FRMPD4: variants seen among roughly 807,000 people sequenced by gnomAD.
The protein encoded by FRMPD4 is FERM and PDZ domain containing 4.
In FRMPD4, 22 loss-of-function variants were observed where a neutral mutation model predicts 94.1. The observed-to-expected ratio is 0.23, with a 90% CI of 0.17 to 0.33. The LOEUF (loss-of-function observed/expected upper bound fraction) is 0.33, where lower values mean the gene tolerates loss of function less well. FRMPD4 is among the 10% of genes least tolerant of loss of function. The pLI is 1.00. For missense variants in FRMPD4, 1,111 were observed against 1,339.9 expected, an observed-to-expected ratio of 0.83 and a Z score of 2.67; for synonymous variants, 631 against 548.6, an observed-to-expected ratio of 1.15 and a Z score of -2.10.
chrX:12,696,585 G>GA (rs2060133336), intron 9 of FRMPD4, among the ~76,000 whole-genome samples: 2 of 9,064 alleles, frequency 2.2e-4, no homozygotes, highest in African/African-American at 6.9e-4. Context: ...CAAAAATGAA[G>GA]CAAAAAAAAA....
chrX:12,468,586 G>A (rs2057475238), intron 1 of FRMPD4, among the ~76,000 whole-genome samples: 1 of 111,662 alleles, frequency 9.0e-6, no homozygotes, highest in Admixed American at 9.5e-5. Flanking sequence ...CTTCATTTGG[G>A]TGAAGTTATT....
chrX:12,399,735 A>C (rs758429270), intron 1 of FRMPD4, among the ~76,000 whole-genome samples: 91 of 111,737 alleles, frequency 8.1e-4, no homozygotes, highest in Middle Eastern at 4.6e-3. Flanking sequence ...GCTGAGGAGG[A>C]GGAAGAAGAG....
rs770212254 is a variant in FRMPD4 at position 12,716,591 on chromosome X, T to G, written c.2132T>G (p.Val711Gly). The stretch of plus-strand genomic sequence containing the variant: ...CCAGAGGCAGAGGGCATCCAGTTTG[T>G]GGAAAATTCTGTTTATGCAAACATA... ...LTPEAEGIQFVENSVYANIGD... is the reference protein window; with the variant it reads ...LTPEAEGIQFGENSVYANIGD... The change falls in exon 15 of 17, where the codon GTG becomes GGG. Residue 711 changes from valine (V) to glycine (G), a missense_variant. Val to Gly is a moderately radical substitution (Grantham distance 109). Around this residue, in one of 8 missense-constraint regions of FRMPD4, gnomAD observed 192 missense variants for 192.5 expected, o/e 1.00. Transcript: ENST00000675598. The G allele has an allele frequency of 6.6e-6, 8 of 1,211,156 alleles. No individual in the cohort carries two copies. The South Asian group carries it at 1.4e-4, about 21-fold the overall frequency.
chrX:12,603,804 T>G (rs2059105785), intron 2 of FRMPD4, among the ~76,000 whole-genome samples: 1 of 110,555 alleles, frequency 9.0e-6, no homozygotes, highest in Admixed American at 9.7e-5. Flanking sequence ...TCAAGTGTCT[T>G]TATTAAAAAA....
rs188933059 is a variant in FRMPD4 at position 12,702,642 on chromosome X, A to G, written c.1070+632A>G. On this transcript the variant is annotated intron_variant, in intron 10 of 16. Transcript: ENST00000675598. ...CTAGAAAGCCTTTCTAAATTCCACA[A>G]TGCCAGGTTCACCCACCAGGGGGCA... Among the ~76,000 whole-genome samples the G allele has an allele frequency of 7.4e-3, 832 of 112,483 alleles. 9 individuals carry two copies. The highest frequency in any genetic ancestry group is 0.023 in the African/African-American group (727 of 31,005).
At chrX:12,530,390 C>T (rs1024229767) in intron 2 of FRMPD4, among the ~76,000 whole-genome samples, 2 of 110,988 alleles carry the variant, frequency 1.8e-5, no homozygotes, top group Non-Finnish European at 3.8e-5. Flanking sequence ...TGTCAAGATG[C>T]TTGGGCTTTG....
chrX:12,388,857 A>AC, intron 1 of FRMPD4, among the ~76,000 whole-genome samples: 1 of 96,925 alleles, frequency 1.0e-5, no homozygotes, highest in Non-Finnish European at 2.0e-5. Context: ...ATATACACAC[A>AC]ATGGAGTACT....
chrX:12,248,704 G>A (rs1368842147), intron 1 of FRMPD4, among the ~76,000 whole-genome samples: 1 of 112,307 alleles, frequency 8.9e-6, no homozygotes, highest in Non-Finnish European at 1.9e-5. Context: ...ACATTTTGAT[G>A]TCTGTTCTTT....
At chrX:12,603,311 A>G (rs2059101157) in intron 2 of FRMPD4, among the ~76,000 whole-genome samples, 1 of 112,128 alleles carries the variant, frequency 8.9e-6, no homozygotes, top group Admixed American at 9.4e-5. Flanking sequence ...CACTCAGCAC[A>G]TATTTTGAAA....
chrX:12,305,434 A>G (rs1569225366), intron 1 of FRMPD4, among the ~76,000 whole-genome samples: 1 of 111,898 alleles, frequency 8.9e-6, no homozygotes, highest in Non-Finnish European at 1.9e-5. Flanking sequence ...GGGAATCCTA[A>G]AATTGTCCCT....
intron 4 of FRMPD4, among the ~76,000 whole-genome samples, chrX:12,616,608 G>A (rs1489740925): frequency 8.9e-6 from 1 of 112,198 alleles, no homozygotes; most frequent in Non-Finnish European, 1.9e-5. Flanking sequence ...AACAAGACCT[G>A]AGAATGTCTC....
In FRMPD4 at chrX:11,930,126, A is replaced by AAAAAAAT. The variant is rs2054114455; in HGVS notation, c.95+52114_95+52115insTAAAAAA. 2.9e-5 allele frequency among the ~76,000 whole-genome samples: 3 copies of AAAAAAAT among 103,239 alleles called. 1 individual carries two copies. In the East Asian group the frequency reaches 9.2e-4, roughly 32 times the overall value. 89.7% of individuals were successfully genotyped at this position (103,239 alleles called of 115,157 possible). On this transcript the variant is annotated intron_variant, in intron 3 of 18. Transcript: ENST00000640291. ...CTGTCTCAAAAAAAAAAAAAAAAAA[A>AAAAAAAT]AAAAAAAAGGCACCGTCATGGGAAC...
chrX:12,231,685 A>G (rs925057000), intron 1 of FRMPD4, among the ~76,000 whole-genome samples: 1 of 111,763 alleles, frequency 8.9e-6, no homozygotes. Flanking sequence ...CATGGAGGGA[A>G]TACTGCGATT....
chrX:11,985,798 G>C (rs1658100662), intron 3 of FRMPD4, among the ~76,000 whole-genome samples: 1 of 112,095 alleles, frequency 8.9e-6, no homozygotes, highest in South Asian at 3.8e-4. Flanking sequence ...TATGGGGAAA[G>C]CTCCTCTGCC....
At chrX:12,216,277 T>C (rs1345918698) in intron 1 of FRMPD4, among the ~76,000 whole-genome samples, 1 of 111,488 alleles carries the variant, frequency 9.0e-6, no homozygotes, top group Non-Finnish European at 1.9e-5. Flanking sequence ...CTTCACTCCC[T>C]AGCTCTGGGT....
chrX:12,540,812 T>C (rs770026088), intron 2 of FRMPD4, among the ~76,000 whole-genome samples: 1 of 111,855 alleles, frequency 8.9e-6, no homozygotes, highest in Non-Finnish European at 1.9e-5. Flanking sequence ...ACACCACACC[T>C]ATTCCAAAAT....
intron 2 of FRMPD4, among the ~76,000 whole-genome samples, chrX:12,553,165 A>C (rs866777040): frequency 1.6e-5 from 1 of 64,291 alleles, no homozygotes; most frequent in African/African-American, 4.9e-5. Flanking sequence ...GAAAGTAAGT[A>C]AAGTAAGAAA....
At chrX:12,245,290 A>AC (rs749326286) in intron 1 of FRMPD4, among the ~76,000 whole-genome samples, 59 of 111,283 alleles carry the variant, frequency 5.3e-4, no homozygotes, top group Non-Finnish European at 9.4e-4. Flanking sequence ...GATAAGAAAA[A>AC]GGGGAAAACA....
intron 1 of FRMPD4, among the ~76,000 whole-genome samples, chrX:12,459,777 TAG>T (rs1184117615): frequency 8.9e-6 from 1 of 111,943 alleles, no homozygotes; most frequent in East Asian, 2.8e-4. Flanking sequence ...GAAGTCTGTG[TAG>T]AGACTTGTTT....
Sources: gnomAD v4.1 joint callset for allele counts (sites outside exome capture counted in the v4.1 genomes callset) on GRCh38, gnomAD v4.1.1 for gene constraint, gnomAD v4.1.1 regional missense constraint, MANE v1.5 for transcripts, NCBI Gene and HGNC (gene_info 2026-07-23, HGNC 2026-07-21) for gene names.